Variants in HFM1 observed in about 807,000 individuals in gnomAD.
HFM1 encodes the protein helicase for meiosis 1.
Under a neutral mutation model 192.1 loss-of-function variants are expected in HFM1, and 169 were observed. The observed-to-expected ratio is 0.88, with a 90% CI of 0.78 to 1.00. The LOEUF is 1.00. Ranked by LOEUF, HFM1 falls within the 50% of genes least tolerant of loss-of-function variation. HFM1 has a pLI of 0.00. For missense variants in HFM1, 1,661 were observed against 1,668.0 expected, an observed-to-expected ratio of 1.00 and a Z score of 0.07; for synonymous variants, 525 against 537.8, an observed-to-expected ratio of 0.98 and a Z score of 0.33.
Position 91,261,156 on chromosome 1 carries a change from A to G in HFM1, c.*134T>C. On this transcript the variant is annotated 3_prime_UTR_variant, in exon 39 of 39. Coordinates refer to ENST00000370425, the MANE Select transcript of HFM1 (RefSeq NM_001017975.6). ...TCGGCCCATACATTTTGTTGCAAAA[A>G]GTGAACAAAGCTAATCAAATACAGG... is the stretch of plus-strand genomic sequence containing the variant. The G allele has an allele frequency of 4.9e-6, 2 of 410,650 alleles. No homozygotes were observed. Among genetic ancestry groups the G allele is most frequent in the Non-Finnish European group, 8.9e-6 (2 of 225,424 alleles). The allele number at this position is 410,650 out of a possible 1,614,324, so 25.4% of individuals were successfully genotyped here.
At chr1:91,379,776 A>G (rs1453473890) in intron 8 of HFM1, among the ~76,000 whole-genome samples, 1 of 152,170 alleles carries the variant, frequency 6.6e-6, no homozygotes, top group East Asian at 1.9e-4. Context: ...TTGATTAAAA[A>G]AAATTTTTTA....
At position 91,387,825 on chromosome 1, in the gene HFM1, G is replaced by A. The variant is rs546682426; in HGVS notation, c.495-1991C>T. ...AGATATACCTAATGCTAGATGACAC[G>A]TTAGTGGGTGCAGTGCACCAGCATG... On this transcript the variant is annotated intron_variant, in intron 4 of 38. Coordinates refer to ENST00000370425, the MANE Select transcript of HFM1 (RefSeq NM_001017975.6). 6.1e-5 allele frequency among the ~76,000 whole-genome samples: 9 copies of A among 147,040 alleles called. No homozygotes were observed. In the South Asian group the frequency reaches 1.8e-3, roughly 29 times the overall value.
chr1:91,364,632 A>ATTTTTTTTT (rs61550398), intron 13 of HFM1, among the ~76,000 whole-genome samples: 9 of 66,814 alleles, frequency 1.3e-4, no homozygotes, highest in African/African-American at 2.6e-4. Flanking sequence ...ATATATATAT[A>ATTTTTTTTT]TTTTTTTTTT....
intron 30 of HFM1, among the ~76,000 whole-genome samples, chr1:91,297,931 G>C (rs1570845828): frequency 6.6e-6 from 1 of 152,220 alleles, no homozygotes; most frequent in African/African-American, 2.4e-5. Context: ...ACGGAACAAA[G>C]CTGGACGGAG....
At chr1:91,371,863 T>C (rs1219993117) in intron 13 of HFM1, among the ~76,000 whole-genome samples, 1 of 152,046 alleles carries the variant, frequency 6.6e-6, no homozygotes, top group African/African-American at 2.4e-5. Flanking sequence ...ATATCCAGAA[T>C]CTACAATGAA....
chr1:91,277,590 A>ATACT (rs1570750641), intron 30 of HFM1, among the ~76,000 whole-genome samples: 2 of 124,200 alleles, frequency 1.6e-5, no homozygotes, highest in Admixed American at 1.0e-4. Context: ...CTTTATATAT[A>ATACT]ATATATATAC....
At chr1:91,379,297 TA>T in intron 8 of HFM1, 83 bp from the exon 9 acceptor site, 1 of 1,051,026 alleles carries the variant, frequency 9.5e-7, no homozygotes, top group South Asian at 1.4e-5. Context: ...AAAGTTAGCA[TA>T]AAAAATACAC....
At chr1:91,323,230 GAA>G (rs756821751) in intron 21 of HFM1, 31 bp from the exon 22 acceptor site, 1 of 1,161,592 alleles carries the variant, frequency 8.6e-7, no homozygotes. Context: ...TCCATTTAAT[GAA>G]GTCTATTTTT....
At chr1:91,286,969 G>A (rs1180343146) in intron 30 of HFM1, among the ~76,000 whole-genome samples, 56 of 146,496 alleles carry the variant, frequency 3.8e-4, no homozygotes, top group African/African-American at 5.3e-4. Context: ...AAAAAACGGC[G>A]CACCACGAGA....
chr1:91,318,966 A>C lies in HFM1; in HGVS notation c.2812+112T>G, dbSNP rs1345568481. ...AAGTACAGCACTTATTTAAGCCTAC[A>C]AACACATACCTTCCTTGAAGGTCTG... On this transcript the variant is annotated intron_variant, in intron 25 of 38. Transcript: ENST00000370425. 5 of 1,082,634 alleles carry C rather than the reference A, an allele frequency of 4.6e-6. No homozygotes were observed. In the African/African-American group the frequency reaches 7.9e-5, roughly 17 times the overall value. 67.1% of individuals were successfully genotyped at this position (1,082,634 alleles called of 1,614,324 possible). A position where few individuals can be genotyped will look rare whatever the true frequency, so the allele number is the denominator to read the frequency against.
intron 11 of HFM1, among the ~76,000 whole-genome samples, chr1:91,377,270 A>G (rs1661016129): frequency 6.6e-6 from 1 of 151,918 alleles, no homozygotes. Flanking sequence ...TTGTCATTTC[A>G]AGAACAAGAA....
At chr1:91,293,712 G>T (rs1284024130) in intron 30 of HFM1, among the ~76,000 whole-genome samples, 2 of 151,600 alleles carry the variant, frequency 1.3e-5, no homozygotes, top group African/African-American at 2.4e-5. Flanking sequence ...TATACCCAAA[G>T]GACTATAAAT....
chr1:91,351,782 C>G, intron 16 of HFM1, 139 bp from the exon 17 acceptor site: 2 of 411,066 alleles, frequency 4.9e-6, no homozygotes, highest in Non-Finnish European at 8.7e-6. Context: ...TAAAAATGCT[C>G]TCATTTTTTT....
intron 30 of HFM1, among the ~76,000 whole-genome samples, chr1:91,293,398 A>G (rs1275538839): frequency 2.0e-5 from 3 of 152,208 alleles, no homozygotes; most frequent in Admixed American, 6.5e-5. Flanking sequence ...GGACATGAAC[A>G]GACACTTCTC....
rs202161995 is a variant in HFM1 at position 91,315,961 on chromosome 1, A to G, written c.2994T>C (p.Tyr998=). 257 of 1,586,280 alleles carry G rather than the reference A, an allele frequency of 1.6e-4. 1 individual carries two copies. The highest frequency in any genetic ancestry group is 1.5e-3 in the Middle Eastern group (9 of 5,972). The change falls in exon 28 of 39, where the codon TAT becomes TAC. Residue 998 remains tyrosine, a synonymous_variant. Coordinates refer to ENST00000370425, the MANE Select transcript of HFM1 (RefSeq NM_001017975.6). ...CTAATATTTCTGCCGTCGTATCACTATATCTTGTAATCTTTAAAAAAGGAC... is the reference window on the plus strand; with the variant it reads ...CTAATATTTCTGCCGTCGTATCACTGTATCTTGTAATCTTTAAAAAAGGAC... ...YELKVEQITR[Y]SDTTAEILVT...
At position 91,300,108 on chromosome 1, in the gene HFM1, A is replaced by T. The variant is rs893665599; in HGVS notation, c.3391+13241T>A. ...AAAAAATGATAAAGGGGATATCACC[A>T]CCGATCCCACAGAAATACAAACTAC... On this transcript the variant is annotated intron_variant, in intron 30 of 38. Transcript: ENST00000370425. 2.5e-4 allele frequency among the ~76,000 whole-genome samples: 38 copies of T among 152,138 alleles called. 1 individual carries two copies. Among genetic ancestry groups the T allele is most frequent in the African/African-American group, 9.2e-4 (38 of 41,436 alleles).
At chr1:91,290,729 C>A (rs1668648477) in intron 30 of HFM1, among the ~76,000 whole-genome samples, 1 of 152,074 alleles carries the variant, frequency 6.6e-6, no homozygotes, top group South Asian at 2.1e-4. Context: ...ACTCTCCACC[C>A]CAAATCAACA....
rs1571142212 is a variant in HFM1 at position 91,369,869 on chromosome 1, G to A, written c.1685+5489C>T. ...CAAGACTAATAAAGAAGAAAAGAGAGAAGAATCAAATAGACGCAATAAAAA... is the reference window on the plus strand; with the variant it reads ...CAAGACTAATAAAGAAGAAAAGAGAAAAGAATCAAATAGACGCAATAAAAA... On this transcript the variant is annotated intron_variant, in intron 13 of 38. Coordinates refer to ENST00000370425, the MANE Select transcript of HFM1 (RefSeq NM_001017975.6). Among the ~76,000 whole-genome samples the A allele has an allele frequency of 3.3e-5, 5 of 152,074 alleles. No individual in the cohort carries two copies. In the South Asian group the frequency reaches 8.3e-4, roughly 25 times the overall value.
At chr1:91,378,349 T>C (rs897829567) in intron 10 of HFM1, 54 bp downstream of exon 10, 7 of 1,420,770 alleles carry the variant, frequency 4.9e-6, no homozygotes, top group Admixed American at 1.8e-5. Context: ...TTTCTTTCTG[T>C]CTTATTCTAA....
Sources: gnomAD v4.1 joint callset for allele counts (sites outside exome capture counted in the v4.1 genomes callset) on GRCh38, gnomAD v4.1.1 for gene constraint, MANE v1.5 for transcripts, NCBI Gene and HGNC (gene_info 2026-07-23, HGNC 2026-07-21) for gene names.